Variants in GNL3L observed in about 807,000 individuals in gnomAD.
GNL3L encodes the protein guanine nucleotide-binding protein-like 3-like protein.
In GNL3L, 4 loss-of-function variants were observed where a neutral mutation model predicts 42.9. The ratio of observed to expected loss-of-function variants is 0.09; its 90% CI spans 0.05 to 0.21. The LOEUF is 0.21. GNL3L is among the 10% of genes least tolerant of loss of function. The pLI, the probability that GNL3L is intolerant of heterozygous loss-of-function variation, is 1.00. For synonymous variants in GNL3L, 159 were observed against 176.3 expected (o/e 0.90, Z 0.78); for missense variants, 412 against 481.7 (o/e 0.86, Z 1.36).
intron 9 of GNL3L, among the ~76,000 whole-genome samples, chrX:54,550,205 CGAGAGAGA>C (rs58576849): frequency 1.3e-3 from 115 of 91,161 alleles, no homozygotes; most frequent in African/African-American, 4.1e-3. Flanking sequence ...TGGGAATGAC[CGAGAGAGA>C]GAGAGAGAGA....
chrX:54,533,706 G>A (rs868026259), intron 2 of GNL3L, among the ~76,000 whole-genome samples: 3 of 110,379 alleles, frequency 2.7e-5, no homozygotes, highest in Non-Finnish European at 3.8e-5. Context: ...CAAGTGATCC[G>A]CCTGCCTTGG....
chrX:54,590,792 A>AGATTTATT (rs1220726006), intron 16 of GNL3L, among the ~76,000 whole-genome samples: 1 of 109,034 alleles, frequency 9.2e-6, no homozygotes, highest in Non-Finnish European at 1.9e-5. Context: ...TTTAGGTCTT[A>AGATTTATT]GATTTATTTA....
the GNL3L span, among the ~76,000 whole-genome samples, chrX:54,628,398 G>C: frequency 1.7e-4 from 19 of 110,563 alleles, no homozygotes; most frequent in African/African-American, 5.3e-4. Context: ...TGGATCAAAT[G>C]GTAGATCTAC....
At chrX:54,544,684 A>T (rs1924723296) in intron 8 of GNL3L, among the ~76,000 whole-genome samples, 1 of 109,555 alleles carries the variant, frequency 9.1e-6, no homozygotes, top group African/African-American at 3.3e-5. Flanking sequence ...TGCCATGTTG[A>T]CCAGGCTGGT....
At chrX:54,556,861 C>T (rs914992036) in intron 14 of GNL3L, among the ~76,000 whole-genome samples, 18 of 111,034 alleles carry the variant, frequency 1.6e-4, no homozygotes, top group Non-Finnish European at 2.8e-4. Flanking sequence ...GATCATTGTA[C>T]CTTCTTTAGC....
At chrX:54,587,442 G>A (rs1925798965) in intron 16 of GNL3L, among the ~76,000 whole-genome samples, 2 of 111,120 alleles carry the variant, frequency 1.8e-5, no homozygotes, top group African/African-American at 6.5e-5. Flanking sequence ...CCAGTGTTGT[G>A]TTTTGGGTTT....
intron 16 of GNL3L, among the ~76,000 whole-genome samples, chrX:54,590,300 A>C (rs1187173276): frequency 8.9e-6 from 1 of 112,323 alleles, no homozygotes; most frequent in Non-Finnish European, 1.9e-5. Context: ...TATTTCTCTG[A>C]TGATGAATGA....
At chrX:54,543,511 G>A (rs1004611168) in intron 7 of GNL3L, among the ~76,000 whole-genome samples, 169 bp downstream of exon 7, 2 of 112,173 alleles carry the variant, frequency 1.8e-5, no homozygotes, top group African/African-American at 3.2e-5. Flanking sequence ...TATGGTACAA[G>A]TTAGGTGTGG....
chrX:54,554,664 C>G lies in GNL3L; in HGVS notation c.1418C>G (p.Ala473Gly). ...TCTCCGATGACGAAAATAGCAGATG[C>G]CATTGAAAATAAAACCACCGTGTAT... is the stretch of plus-strand genomic sequence containing the variant. Reference protein sequence around the residue: ...LHSPMTKIADAIENKTTVYKI... With the variant: ...LHSPMTKIADGIENKTTVYKI... The change falls in exon 14 of 16, where the codon GCC (alanine) becomes GGC (glycine). Residue 473 changes from alanine (A) to glycine (G), a missense_variant. Transcript: ENST00000360845. 1 of 1,206,251 alleles carries G rather than the reference C, an allele frequency of 8.3e-7. No homozygotes were observed. The highest frequency in any genetic ancestry group is 1.1e-6 in the Non-Finnish European group (1 of 890,868).
chrX:54,600,740 G>A (rs1393834380), intron 16 of GNL3L, among the ~76,000 whole-genome samples: 2 of 111,045 alleles, frequency 1.8e-5, no homozygotes, highest in African/African-American at 6.5e-5. Context: ...GGGAGACGTT[G>A]GAGTTCCTTG....
In GNL3L at chrX:54,562,544, A is replaced by T. The variant is rs770733953; in HGVS notation, c.*1942A>T. 9.0e-6 allele frequency among the ~76,000 whole-genome samples: 1 copy of T among 111,147 alleles called. No individual in the cohort carries two copies. The highest frequency in any genetic ancestry group is 2.8e-4 in the East Asian group (1 of 3,518). On this transcript the variant is annotated 3_prime_UTR_variant, in exon 16 of 16. Coordinates refer to ENST00000360845, the MANE Select transcript of GNL3L (RefSeq NM_001184819.2). ...TACGTACTTGTTGAGTACAAACTGC[A>T]CCAAGCCCTGGAGACCCATTACCAC... is the stretch of plus-strand genomic sequence containing the variant.
At chrX:54,617,505 T>C (rs1926233515) in intron 16 of GNL3L, among the ~76,000 whole-genome samples, 1 of 112,029 alleles carries the variant, frequency 8.9e-6, no homozygotes, top group Non-Finnish European at 1.9e-5. Flanking sequence ...ACCACATTTA[T>C]CTCTGTTGAC....
At chrX:54,539,384 A>G (rs1924544302) in intron 3 of GNL3L, among the ~76,000 whole-genome samples, 1 of 111,354 alleles carries the variant, frequency 9.0e-6, no homozygotes, top group Non-Finnish European at 1.9e-5. Flanking sequence ...GTTCAAGGTA[A>G]CGCAACTGGG....
chrX:54,545,317 C>T (rs1278381969), intron 8 of GNL3L, among the ~76,000 whole-genome samples: 1 of 111,129 alleles, frequency 9.0e-6, no homozygotes, highest in East Asian at 2.8e-4. Context: ...TTCCTGGGTT[C>T]AAGTGATTCT....
downstream of GNL3L, among the ~76,000 whole-genome samples, chrX:54,571,194 A>ATT (rs141463877): frequency 0.013 from 1,165 of 91,459 alleles, 41 homozygotes; most frequent in African/African-American, 0.046. Flanking sequence ...TGTCATCCTA[A>ATT]TTTTTTTTTT....
chrX:54,638,400 C>G, the GNL3L span, among the ~76,000 whole-genome samples: 2 of 112,132 alleles, frequency 1.8e-5, no homozygotes, highest in Non-Finnish European at 1.9e-5. Context: ...TAAGTATCAT[C>G]ATCACCACCC....
intron 16 of GNL3L, among the ~76,000 whole-genome samples, chrX:54,575,851 G>A (rs949171980): frequency 9.0e-6 from 1 of 111,525 alleles, no homozygotes; most frequent in Non-Finnish European, 1.9e-5. Context: ...CGGAGGTTGC[G>A]GTGAGCCGAG....
At chrX:54,589,343 T>G (rs1925835743) in intron 16 of GNL3L, among the ~76,000 whole-genome samples, 1 of 111,015 alleles carries the variant, frequency 9.0e-6, no homozygotes, top group Non-Finnish European at 1.9e-5. Context: ...AAAAATAGTC[T>G]TATTTTTTTT....
At chrX:54,607,224 C>T (rs942839364) in intron 16 of GNL3L, among the ~76,000 whole-genome samples, 1 of 95,422 alleles carries the variant, frequency 1.0e-5, no homozygotes, top group Non-Finnish European at 2.1e-5. Context: ...TACCCAAAGT[C>T]GGAAATGTAG....
Sources: gnomAD v4.1 joint callset for allele counts (sites outside exome capture counted in the v4.1 genomes callset) on GRCh38, gnomAD v4.1.1 for gene constraint, MANE v1.5 for transcripts, NCBI Gene and HGNC (gene_info 2026-07-23, HGNC 2026-07-21) for gene names.